The following DDR1 variants were observed in gnomAD, a reference collection of about 807,000 sequenced individuals.
The protein encoded by DDR1 is epithelial discoidin domain-containing receptor 1.
Under a neutral mutation model 97.4 loss-of-function variants are expected in DDR1, and 64 were observed. The observed-to-expected ratio is 0.66, with a 90% CI of 0.54 to 0.81. The LOEUF (loss-of-function observed/expected upper bound fraction) is 0.81, where lower values mean the gene tolerates loss of function less well. Ranked by LOEUF, DDR1 falls within the 30% of genes least tolerant of loss-of-function variation. The pLI, the probability that DDR1 is intolerant of heterozygous loss-of-function variation, is 0.00. For missense variants in DDR1, 990 were observed against 1,259.6 expected, an observed-to-expected ratio of 0.79 and a Z score of 3.24; for synonymous variants, 458 against 503.7, an observed-to-expected ratio of 0.91 and a Z score of 1.21.
rs375424114 is a variant in DDR1, at chr6:30,896,622, C to A, written c.1626C>A (p.Ala542=). The A allele has an allele frequency of 1.2e-6, 2 of 1,613,268 alleles. No homozygotes were observed. The highest frequency in any genetic ancestry group is 8.5e-7 in the Non-Finnish European group (1 of 1,179,700). ...TCTTCTTTCCCCTCACCCCTGCAGC[C>A]TACAGTGGGGACTATATGGAGCCTG... ...PAWAKPTNTQ[A]YSGDYMEPEK... Residue 542 remains alanine (A), a splice_region_variant and synonymous_variant, in exon 13 of 18, where the codon GCC becomes GCA. Transcript: ENST00000376568.
rs1450782999 is a variant in DDR1 at position 30,889,030 on chromosome 6, C to A, written c.188+20C>A. The A allele has an allele frequency of 6.2e-7, 1 of 1,611,822 alleles. No individual in the cohort carries two copies. Among genetic ancestry groups the A allele is most frequent in the Non-Finnish European group, 8.5e-7 (1 of 1,178,964 alleles). Reference sequence around the variant, plus strand: ...CAGCAGGTACTTGGCACACCTGGCACACTTGTAGCTGCCCCGAGAGGAGCT... The same window carrying A: ...CAGCAGGTACTTGGCACACCTGGCAAACTTGTAGCTGCCCCGAGAGGAGCT... On this transcript the variant is annotated intron_variant, in intron 3 of 17. Coordinates refer to ENST00000376568, the MANE Select transcript of DDR1 (RefSeq NM_001297654.2). The surrounding 1 kb of genome is among the most constrained non-coding windows in gnomAD (Gnocchi z 4.9).
rs372618092 is a variant in DDR1 at position 30,897,592 on chromosome 6, C to G, written c.2211C>G (p.Thr737=). ...PGDGQAAQGP[T]ISYPMLLHVA... ...ACGGGCAGGCTGCGCAGGGGCCCAC[C>G]ATCAGGTACCTGCTTACCCAGGCTG... The change falls in exon 15 of 18, where the codon ACC becomes ACG. Residue 737 remains threonine (T), a synonymous_variant. Transcript: ENST00000376568. The surrounding 1 kb of genome is among the most constrained non-coding windows in gnomAD (Gnocchi z 5.2). 3.1e-6 allele frequency: 5 copies of G among 1,609,210 alleles called. No individual in the cohort carries two copies. Among genetic ancestry groups the G allele is most frequent in the East Asian group, 2.2e-5 (1 of 44,836 alleles).
rs553051526 is a variant in DDR1, at chr6:30,892,821, GA to G, written c.1100-244del. 1,053 of 586,166 alleles carry G rather than the reference GA, an allele frequency of 1.8e-3. 5 individuals carry two copies. The highest frequency in any genetic ancestry group is 0.012 in the African/African-American group (667 of 53,528). The allele number at this position is 586,166 out of a possible 1,614,324, so 36.3% of individuals were successfully genotyped here. On this transcript the variant is annotated intron_variant, in intron 8 of 17. Transcript: ENST00000376568. ...ATTGAAATACTTCTGTATTAGTTGA[GA>G]AATAGCCTCTTCTCTAAGCCTCCAG...
rs1792316727 is a variant in DDR1, at chr6:30,899,881, C to T, written c.*585C>T. The T allele has an allele frequency of 2.2e-6, 1 of 460,498 alleles. No individual in the cohort carries two copies. Among genetic ancestry groups the T allele is most frequent in the African/African-American group, 2.0e-5 (1 of 50,914 alleles). 28.5% of individuals were successfully genotyped at this position (460,498 alleles called of 1,614,324 possible). On this transcript the variant is annotated 3_prime_UTR_variant, in exon 18 of 18. Coordinates refer to ENST00000376568, the MANE Select transcript of DDR1 (RefSeq NM_001297654.2). ...CCGCCCCAGCCCTCAGTCACCCCCA[C>T]TTCCCACTTGCAGTCTTGTAGCTAG...
rs2150483405 is a variant in DDR1, at chr6:30,899,206, G to A, written c.2652G>A (p.Met884Ile). The A allele has an allele frequency of 6.2e-7, 1 of 1,614,214 alleles. No homozygotes were observed. The highest frequency in any genetic ancestry group is 1.1e-5 in the South Asian group (1 of 91,090). Reference sequence around the variant, plus strand: ...GCCCGCAGGGCCTATATGAGCTGATGCTTCGGTGCTGGAGCCGGGAGTCTG... The same window carrying A: ...GCCCGCAGGGCCTATATGAGCTGATACTTCGGTGCTGGAGCCGGGAGTCTG... ...PACPQGLYEL[M>I]LRCWSRESEQ... Residue 884 changes from methionine to isoleucine, a missense_variant, in exon 18 of 18, where the codon ATG becomes ATA. Physicochemically the swap from Met to Ile is conservative, Grantham distance 10. Transcript: ENST00000376568.
Position 30,885,897 on chromosome 6 carries a change from T to C in DDR1, c.-43+1187T>C, listed in dbSNP as rs1258391500. On this transcript the variant is annotated intron_variant, in intron 1 of 17. Transcript: ENST00000376568. ...GGACTTGGGGGTTGGGAGAGGAGCG[T>C]GAAGGGCTTGAGGCAGGGTGGCCTG... The C allele has an allele frequency of 6.1e-6, 7 of 1,140,876 alleles. No homozygotes were observed. The South Asian group carries it at 9.0e-5, about 15-fold the overall frequency. 70.7% of individuals were successfully genotyped at this position (1,140,876 alleles called of 1,614,324 possible). A position where few individuals can be genotyped will look rare whatever the true frequency, so the allele number is the denominator to read the frequency against.
At chr6:30,896,519 C>A in intron 12 of DDR1, 102 bp from the exon 13 acceptor site, 1 of 1,420,996 alleles carries the variant, frequency 7.0e-7, no homozygotes, top group South Asian at 1.4e-5. Flanking sequence ...TCTCACTCAA[C>A]CGGGAGACAC....
At position 30,897,632 on chromosome 6, in the gene DDR1, T is replaced by A. The variant is rs556838956; in HGVS notation, c.2216+35T>A. On this transcript the variant is annotated intron_variant, in intron 15 of 17. Transcript: ENST00000376568. The surrounding 1 kb of genome is among the most constrained non-coding windows in gnomAD (Gnocchi z 5.2). Reference sequence around the variant, plus strand: ...TACCCAGGCTGGGCCTTGCTCAGAATTCCCCCAGGGGATCTCCTCCTCTCC... The same window carrying A: ...TACCCAGGCTGGGCCTTGCTCAGAAATCCCCCAGGGGATCTCCTCCTCTCC... The A allele has an allele frequency of 6.5e-7, 1 of 1,548,282 alleles. No individual in the cohort carries two copies. Among genetic ancestry groups the A allele is most frequent in the Non-Finnish European group, 8.8e-7 (1 of 1,134,610 alleles).
Position 30,897,938 on chromosome 6 carries a change from C to A in DDR1, c.2217-135C>A. 1 of 678,688 alleles carries A rather than the reference C, an allele frequency of 1.5e-6. No individual in the cohort carries two copies. The allele number at this position is 678,688 out of a possible 1,614,324, so 42.0% of individuals were successfully genotyped here. A position where few individuals can be genotyped will look rare whatever the true frequency, so the allele number is the denominator to read the frequency against. On this transcript the variant is annotated intron_variant, in intron 15 of 17. Transcript: ENST00000376568. This position sits in a 1 kb window ranked among gnomAD's most constrained non-coding sequence, Gnocchi z 5.2. The stretch of plus-strand genomic sequence containing the variant: ...CTGGGAGATTGAGAGGGAAGTGACC[C>A]TTGGCCTCACGTGGGCATTCCACCT...
chr6:30,899,728 G>T lies in DDR1; in HGVS notation c.*432G>T. ...CCCTGTCACACACTGGACCCCACTG[G>T]CTGAGAATCTGGGGGTGAGGAGGAC... On this transcript the variant is annotated 3_prime_UTR_variant, in exon 18 of 18. Transcript: ENST00000376568. 2.9e-6 allele frequency: 1 copy of T among 350,480 alleles called. No individual in the cohort carries two copies. Among genetic ancestry groups the T allele is most frequent in the Non-Finnish European group, 5.3e-6 (1 of 189,576 alleles). The allele number at this position is 350,480 out of a possible 1,614,324, so 21.7% of individuals were successfully genotyped here. A position where few individuals can be genotyped will look rare whatever the true frequency, so the allele number is the denominator to read the frequency against.
rs541752897 is a variant in DDR1 at position 30,888,868 on chromosome 6, T to G, written c.86-40T>G. 1 of 1,612,384 alleles carries G rather than the reference T, an allele frequency of 6.2e-7. No homozygotes were observed. The highest frequency in any genetic ancestry group is 1.3e-5 in the African/African-American group (1 of 74,704). On this transcript the variant is annotated intron_variant, in intron 2 of 17. Coordinates refer to ENST00000376568, the MANE Select transcript of DDR1 (RefSeq NM_001297654.2). This position sits in a 1 kb window ranked among gnomAD's most constrained non-coding sequence, Gnocchi z 4.2. The stretch of plus-strand genomic sequence containing the variant: ...GGGCCAGGGCTTGGGAGGTAGAGAG[T>G]TGGGGGCCTTGACCTGTTACATGCC...
In DDR1 at chr6:30,897,556, G is replaced by C. The variant is rs376542836; in HGVS notation, c.2175G>C (p.Gly725=). 44 of 1,613,560 alleles carry C rather than the reference G, an allele frequency of 2.7e-5. No individual in the cohort carries two copies. The highest frequency in any genetic ancestry group is 1.8e-4 in the Admixed American group (11 of 60,006). The change falls in exon 15 of 18, where the codon GGG becomes GGC. Residue 725 remains glycine, a synonymous_variant. Coordinates refer to ENST00000376568, the MANE Select transcript of DDR1 (RefSeq NM_001297654.2). This position sits in a 1 kb window ranked among gnomAD's most constrained non-coding sequence, Gnocchi z 5.2. ...AHQLEDKAAE[G]APGDGQAAQG... ...AGCTGGAGGACAAGGCAGCCGAGGG[G>C]GCCCCTGGGGACGGGCAGGCTGCGC... is the stretch of plus-strand genomic sequence containing the variant.
intron 1 of DDR1, chr6:30,885,009 G>A (rs1328047610): frequency 1.1e-5 from 6 of 535,956 alleles, no homozygotes; most frequent in Non-Finnish European, 1.7e-5. Context: ...CCGGGAGGAG[G>A]TGCTCCTGTG....
chr6:30,899,169 G>A lies in DDR1; in HGVS notation c.2615G>A (p.Arg872Gln), dbSNP rs200189421. 17 of 1,614,056 alleles carry A rather than the reference G, an allele frequency of 1.1e-5. No homozygotes were observed. The Admixed American group carries it at 1.2e-4, about 11-fold the overall frequency. ...GCCACAATGCAGGTGTACCTGTCCC[G>A]GCCGCCTGCCTGCCCGCAGGGCCTA... is the stretch of plus-strand genomic sequence containing the variant. ...RDQGRQVYLS[R>Q]PPACPQGLYE... The change falls in exon 18 of 18, where the codon CGG (arginine) becomes CAG (glutamine). Residue 872 changes from arginine (R) to glutamine (Q), a missense_variant. Transcript: ENST00000376568.
rs760707651 is a variant in DDR1, at chr6:30,898,983, C to T, written c.2547C>T (p.Thr849=). The change falls in exon 17 of 18, where the codon ACC becomes ACT. Residue 849 remains threonine (T), a synonymous_variant. Coordinates refer to ENST00000376568, the MANE Select transcript of DDR1 (RefSeq NM_001297654.2). ...LCRAQPFGQL[T]DEQVIENAGE... is the part of the protein sequence containing the mutation. ...GGGCCCAGCCCTTTGGGCAGCTCAC[C>T]GACGAGCAGGTCATCGAGAACGCGG... 26 of 1,613,972 alleles carry T rather than the reference C, an allele frequency of 1.6e-5. No individual in the cohort carries two copies. The highest frequency in any genetic ancestry group is 2.7e-5 in the African/African-American group (2 of 74,884).
chr6:30,895,419 A>T lies in DDR1; in HGVS notation c.1529A>T (p.Asn510Ile), dbSNP rs200617695. 4 of 1,609,552 alleles carry T rather than the reference A, an allele frequency of 2.5e-6. No homozygotes were observed. In the Admixed American group the frequency reaches 6.7e-5, roughly 27 times the overall value. ...VPNGSALLLS[N>I]PAYRLLLATY... ...CTCCCGACAGCGTTGCTGCTCTCCA[A>T]TCCAGCCTACCGCCTCCTTCTGGCC... Residue 510 changes from asparagine to isoleucine, a missense_variant, in exon 12 of 18, where the codon AAT becomes ATT. Transcript: ENST00000376568.
intron 1 of DDR1, chr6:30,885,949 G>A: frequency 1.7e-6 from 1 of 583,284 alleles, no homozygotes; most frequent in Non-Finnish European, 2.9e-6. Flanking sequence ...TGGTTGTAAT[G>A]GAGTGGAAGG....
In DDR1 at chr6:30,891,327, A is replaced by C; in HGVS notation, c.566-53A>C. On this transcript the variant is annotated intron_variant, in intron 5 of 17. Coordinates refer to ENST00000376568, the MANE Select transcript of DDR1 (RefSeq NM_001297654.2). The surrounding 1 kb of genome is among the most constrained non-coding windows in gnomAD (Gnocchi z 5.3). ...AAACCTGCCCAGGCCTGATGCAGGG[A>C]TGGGGGATGGAGCCTTAGTGCCTCT... 1 of 1,492,474 alleles carries C rather than the reference A, an allele frequency of 6.7e-7. No homozygotes were observed. 92.5% of individuals were successfully genotyped at this position (1,492,474 alleles called of 1,614,324 possible).
At chr6:30,895,678 G>GCTT (rs1451911638) in intron 12 of DDR1, among the ~76,000 whole-genome samples, 164 bp downstream of exon 12, 1 of 152,202 alleles carries the variant, frequency 6.6e-6, no homozygotes, top group Non-Finnish European at 1.5e-5. Context: ...CTCTGCTGCT[G>GCTT]CTTGCTCTTT....
Sources: allele counts gnomAD v4.1 joint callset (sites outside exome capture counted in the v4.1 genomes callset), GRCh38; gene constraint gnomAD v4.1.1; non-coding constraint Gnocchi (gnomAD v3.1); transcripts MANE v1.5; gene names NCBI Gene and HGNC (gene_info 2026-07-23, HGNC 2026-07-21).